The following GALNT17 variants were observed in gnomAD, a reference collection of about 807,000 sequenced individuals.
The protein encoded by GALNT17 is polypeptide N-acetylgalactosaminyltransferase 17.
A neutral mutation model predicts 63.7 loss-of-function variants in GALNT17; 29 were observed. The observed-to-expected ratio is 0.46, with a 90% confidence interval of 0.34 to 0.62. The LOEUF is 0.62. Ranked by LOEUF, GALNT17 falls within the 20% of genes least tolerant of loss-of-function variation. GALNT17 has a pLI of 0.01. For synonymous variants in GALNT17, 305 were observed against 318.3 expected, an observed-to-expected ratio of 0.96 and a Z score of 0.45; for missense variants, 603 against 799.6, an observed-to-expected ratio of 0.75 and a Z score of 2.97.
rs566888237 is a variant in GALNT17, at chr7:71,348,437, G to A, written c.422+12704G>A. ...GCGTTTAAAACAAAGTTACCATCAAGATTCCCCTCTGTTTCTTTCTAGAGA... is the reference window on the plus strand; with the variant it reads ...GCGTTTAAAACAAAGTTACCATCAAAATTCCCCTCTGTTTCTTTCTAGAGA... On this transcript the variant is annotated intron_variant, in intron 2 of 10. Transcript: ENST00000333538. 6.2e-4 allele frequency among the ~76,000 whole-genome samples: 95 copies of A among 152,294 alleles called. 1 individual carries two copies. Among genetic ancestry groups the A allele is most frequent in the African/African-American group, 2.1e-3 (88 of 41,580 alleles).
rs1791575405 is a variant in GALNT17 at position 71,320,004 on chromosome 7, C to A, written c.239-15546C>A. 2.6e-5 allele frequency among the ~76,000 whole-genome samples: 4 copies of A among 152,140 alleles called. No homozygotes were observed. The South Asian group carries it at 8.3e-4, about 31-fold the overall frequency. ...TTTCAAGTCTCTGCTCATGACACAT[C>A]CCTAGTATTTTGTTGGCTAAAGCAA... On this transcript the variant is annotated intron_variant, in intron 1 of 10. Transcript: ENST00000333538.
intron 5 of GALNT17, among the ~76,000 whole-genome samples, chr7:71,494,896 G>A (rs532244812): frequency 1.1e-4 from 17 of 152,262 alleles, no homozygotes; most frequent in South Asian, 2.1e-4. Flanking sequence ...ATCAGATCGC[G>A]TGAGACTTAC....
chr7:71,454,102 T>A (rs1185905541), intron 5 of GALNT17, among the ~76,000 whole-genome samples: 2 of 152,136 alleles, frequency 1.3e-5, no homozygotes, highest in Non-Finnish European at 2.9e-5. Flanking sequence ...AAGGGGAGCT[T>A]TTTTAAAATT....
At chr7:71,477,935 A>G (rs1330324857) in intron 5 of GALNT17, among the ~76,000 whole-genome samples, 1 of 152,166 alleles carries the variant, frequency 6.6e-6, no homozygotes, top group Non-Finnish European at 1.5e-5. Flanking sequence ...AAAACACATT[A>G]AACAGGATAC....
At chr7:71,658,887 C>CAA (rs56210915) in intron 6 of GALNT17, among the ~76,000 whole-genome samples, 1 of 143,502 alleles carries the variant, frequency 7.0e-6, no homozygotes. Context: ...GACTCTGTCT[C>CAA]AAAAAAAAAA....
chr7:71,348,176 G>A (rs985006913), intron 2 of GALNT17, among the ~76,000 whole-genome samples: 2 of 151,916 alleles, frequency 1.3e-5, no homozygotes, highest in East Asian at 3.9e-4. Flanking sequence ...CAGGAGAATC[G>A]CTTGAACCTG....
chr7:71,551,392 A>G (rs186120410), intron 5 of GALNT17, among the ~76,000 whole-genome samples: 139 of 152,340 alleles, frequency 9.1e-4, no homozygotes, highest in African/African-American at 3.2e-3. Flanking sequence ...CACAGTAAAC[A>G]TAGATGTTTT....
chr7:71,686,458 G>C (rs977656269), intron 9 of GALNT17, among the ~76,000 whole-genome samples: 17 of 152,170 alleles, frequency 1.1e-4, no homozygotes, highest in African/African-American at 4.1e-4. Flanking sequence ...AGAGCTCACT[G>C]TGACCTTGAA....
rs189853707 is a variant in GALNT17 at position 71,237,168 on chromosome 7, A to C, written c.239-98382A>C. Among the ~76,000 whole-genome samples the C allele has an allele frequency of 1.5e-4, 23 of 152,244 alleles. 1 individual carries two copies. In the East Asian group the frequency reaches 4.4e-3, roughly 29 times the overall value. ...CATAGGCAGATCGCCTCCTTCTTTA[A>C]ATTGCCTTTGAAAAATAGCTTTATT... On this transcript the variant is annotated intron_variant, in intron 1 of 10. Transcript: ENST00000333538.
At chr7:71,156,208 A>G (rs1484799424) in intron 1 of GALNT17, among the ~76,000 whole-genome samples, 1 of 151,732 alleles carries the variant, frequency 6.6e-6, no homozygotes, top group Non-Finnish European at 1.5e-5. Flanking sequence ...AAAAAAAAAA[A>G]AAATTCATTC....
intron 1 of GALNT17, among the ~76,000 whole-genome samples, chr7:71,221,543 C>T (rs986282341): frequency 2.0e-5 from 3 of 152,064 alleles, no homozygotes; most frequent in African/African-American, 7.2e-5. Context: ...AACTTCTGTT[C>T]GTGTTGCCTG....
intron 1 of GALNT17, among the ~76,000 whole-genome samples, chr7:71,269,858 TC>T (rs1181936002): frequency 6.6e-6 from 1 of 152,090 alleles, no homozygotes; most frequent in African/African-American, 2.4e-5. Flanking sequence ...CTTGCCTTTG[TC>T]CCCCACAGAT....
chr7:71,482,929 T>C (rs1018835421), intron 5 of GALNT17, among the ~76,000 whole-genome samples: 3 of 152,136 alleles, frequency 2.0e-5, no homozygotes, highest in Non-Finnish European at 4.4e-5. Context: ...ACTGCTGATC[T>C]GACAGGAGGC....
intron 6 of GALNT17, among the ~76,000 whole-genome samples, chr7:71,637,214 T>G (rs903558631): frequency 5.3e-5 from 8 of 152,188 alleles, no homozygotes; most frequent in Middle Eastern, 3.4e-3. Context: ...TGAGACAGAG[T>G]CTTGCTCTGT....
intron 9 of GALNT17, among the ~76,000 whole-genome samples, chr7:71,689,737 G>A (rs551129935): frequency 4.6e-5 from 7 of 152,278 alleles, no homozygotes; most frequent in Admixed American, 3.3e-4. Flanking sequence ...GATTTTCAAC[G>A]TAGACAGAAC....
intron 5 of GALNT17, among the ~76,000 whole-genome samples, chr7:71,528,601 C>T (rs941907235): frequency 6.6e-6 from 1 of 152,110 alleles, no homozygotes; most frequent in Non-Finnish European, 1.5e-5. Context: ...TAATCAGAGC[C>T]AAGCCACAAA....
At chr7:71,704,523 T>C (rs542810295) in intron 9 of GALNT17, among the ~76,000 whole-genome samples, 1 of 144,254 alleles carries the variant, frequency 6.9e-6, no homozygotes, top group Non-Finnish European at 1.5e-5. Context: ...GAAAAGCTAA[T>C]CCTAAAATAC....
At chr7:71,417,678 C>T (rs1786565363) in intron 4 of GALNT17, among the ~76,000 whole-genome samples, 1 of 152,178 alleles carries the variant, frequency 6.6e-6, no homozygotes, top group African/African-American at 2.4e-5. Context: ...AGCACTGAGC[C>T]ATAATGGAAG....
intron 6 of GALNT17, among the ~76,000 whole-genome samples, chr7:71,628,447 C>T (rs531548352): frequency 2.6e-5 from 4 of 152,166 alleles, no homozygotes; most frequent in Admixed American, 6.5e-5. Flanking sequence ...CCCAGCCTCC[C>T]GAGTAACTGG....
Sources: gnomAD v4.1 joint callset for allele counts (sites outside exome capture counted in the v4.1 genomes callset) on GRCh38, gnomAD v4.1.1 for gene constraint, MANE v1.5 for transcripts, NCBI Gene and HGNC (gene_info 2026-07-23, HGNC 2026-07-21) for gene names.